Variants in KHNYN observed in about 807,000 individuals in gnomAD.
KHNYN encodes protein KHNYN.
In KHNYN, 42 loss-of-function variants were observed where a neutral mutation model predicts 62.7. That is an observed-to-expected ratio of 0.67 (90% CI 0.52 to 0.87). KHNYN has a LOEUF of 0.87. Among genes scored for constraint, KHNYN ranks in the 40% least tolerant of loss-of-function variants. The pLI is 0.00. For missense variants in KHNYN, 829 were observed against 874.1 expected (o/e 0.95, Z 0.65); for synonymous variants, 347 against 345.6 (o/e 1.00, Z -0.04).
chr14:24,429,535 G>T, upstream of KHNYN: 3 of 448,290 alleles, frequency 6.7e-6, no homozygotes, highest in Admixed American at 8.2e-5. Context: ...CTTCTTCGTG[G>T]CATCTTTCCG....
At chr14:24,430,520 G>A in intron 1 of KHNYN, 194 bp from the exon 2 acceptor site, 1 of 1,391,328 alleles carries the variant, frequency 7.2e-7, no homozygotes, top group Non-Finnish European at 9.3e-7. Flanking sequence ...CTTGTTTACC[G>A]GGACTTCCTC....
chr14:24,436,890 C>T, intron 7 of KHNYN, 146 bp from the exon 8 acceptor site: 1 of 1,040,802 alleles, frequency 9.6e-7, no homozygotes, highest in Non-Finnish European at 1.4e-6. Context: ...TGGGTTGATA[C>T]TGCCACTCAG....
Position 24,440,607 on chromosome 14 carries a change from A to G in KHNYN, c.*3322A>G, listed in dbSNP as rs1332722115. 7.1e-7 allele frequency: 1 copy of G among 1,410,302 alleles called. No homozygotes were observed. Among genetic ancestry groups the G allele is most frequent in the Admixed American group, 2.1e-5 (1 of 48,196 alleles). The allele number at this position is 1,410,302 out of a possible 1,614,324, so 87.4% of individuals were successfully genotyped here. A position where few individuals can be genotyped will look rare whatever the true frequency, so the allele number is the denominator to read the frequency against. On this transcript the variant is annotated 3_prime_UTR_variant, in exon 8 of 8. Coordinates refer to ENST00000553935, the MANE Select transcript of KHNYN (RefSeq NM_015299.3). The stretch of plus-strand genomic sequence containing the variant: ...CTCCCCATGCTGACTTGGCTCTGTA[A>G]CAGAAGTGAGCAGTATGGCTGTCTT...
intron 2 of KHNYN, 81 bp from the exon 3 acceptor site, chr14:24,431,382 C>A: frequency 8.8e-7 from 1 of 1,142,260 alleles, no homozygotes; most frequent in Non-Finnish European, 1.2e-6. Flanking sequence ...CATCCTGGAG[C>A]TCAGGAGCGA....
chr14:24,432,875 T>C lies in KHNYN; in HGVS notation c.1480+23T>C, dbSNP rs774021849. 52 of 1,614,086 alleles carry C rather than the reference T, an allele frequency of 3.2e-5. No homozygotes were observed. The highest frequency in any genetic ancestry group is 4.4e-5 in the Non-Finnish European group (52 of 1,180,028). On this transcript the variant is annotated intron_variant, in intron 4 of 7. Coordinates refer to ENST00000553935, the MANE Select transcript of KHNYN (RefSeq NM_015299.3). The surrounding 1 kb of genome is among the most constrained non-coding windows in gnomAD (Gnocchi z 5.6). ...GAGGTGAGTTGGGCCTGGTCTTCAG[T>C]GTCCCAGGATAGGCTCTGTTTCCAC...
Position 24,432,941 on chromosome 14 carries a change from C to A in KHNYN, c.1486C>A (p.His496Asn). 1 of 1,614,172 alleles carries A rather than the reference C, an allele frequency of 6.2e-7. No individual in the cohort carries two copies. Among genetic ancestry groups the A allele is most frequent in the Non-Finnish European group, 8.5e-7 (1 of 1,180,030 alleles). Reference protein sequence around the residue: ...FSKDAKVRESHFLQKLYSLSL... With the variant: ...FSKDAKVRESNFLQKLYSLSL... The stretch of plus-strand genomic sequence containing the variant: ...ATTATGTTCTTTTTCAATAGAGAGT[C>A]ACTTCCTGCAAAAGCTGTATTCCCT... The change falls in exon 5 of 8, where the codon CAC (histidine) becomes AAC (asparagine). Residue 496 changes from histidine to asparagine, a missense_variant. Transcript: ENST00000553935. The surrounding 1 kb of genome is among the most constrained non-coding windows in gnomAD (Gnocchi z 5.6).
At chr14:24,427,783 G>A, upstream of KHNYN, 1 of 1,613,606 alleles carries the variant, frequency 6.2e-7, no homozygotes, top group African/African-American at 1.3e-5. The surrounding 1 kb of genome is among the most constrained non-coding windows in gnomAD (Gnocchi z 4.4). Flanking sequence ...TGAAAGACTT[G>A]GGTCCTCAGA....
intron 5 of KHNYN, among the ~76,000 whole-genome samples, chr14:24,433,574 C>A (rs980470664): frequency 2.0e-5 from 3 of 152,218 alleles, no homozygotes; most frequent in Non-Finnish European, 2.9e-5. Context: ...GACTGTGGAA[C>A]TTTTCTTAGT....
Position 24,440,261 on chromosome 14 carries a change from G to A in KHNYN, c.*2976G>A. ...AGGGATGAAGGCTCGGCGGCCCAGGGCAGCACCCAAGGTCTGGGCAAACTC... is the reference window on the plus strand; with the variant it reads ...AGGGATGAAGGCTCGGCGGCCCAGGACAGCACCCAAGGTCTGGGCAAACTC... On this transcript the variant is annotated 3_prime_UTR_variant, in exon 8 of 8. Transcript: ENST00000553935. 6.2e-7 allele frequency: 1 copy of A among 1,613,986 alleles called. No individual in the cohort carries two copies.
rs1025998130 is a variant in KHNYN at position 24,431,926 on chromosome 14, A to G, written c.665A>G (p.Gln222Arg). 5 of 1,613,812 alleles carry G rather than the reference A, an allele frequency of 3.1e-6. No individual in the cohort carries two copies. Among genetic ancestry groups the G allele is most frequent in the Non-Finnish European group, 4.2e-6 (5 of 1,179,910 alleles). ...RSSALLGAQC[Q>R]GVRAPPSDGR... Reference sequence around the variant, plus strand: ...TCAGCCTTGCTGGGTGCTCAGTGCCAAGGAGTGAGAGCTCCCCCTAGTGAC... The same window carrying G: ...TCAGCCTTGCTGGGTGCTCAGTGCCGAGGAGTGAGAGCTCCCCCTAGTGAC... Residue 222 changes from glutamine (Q) to arginine (R), a missense_variant, in exon 3 of 8, where the codon CAA (glutamine) becomes CGA (arginine). Around this residue, in one of 2 missense-constraint regions of KHNYN, gnomAD observed 559 missense variants for 527.0 expected, o/e 1.06. Coordinates refer to ENST00000553935, the MANE Select transcript of KHNYN (RefSeq NM_015299.3).
rs758606114 is a variant in KHNYN at position 24,440,134 on chromosome 14, G to A, written c.*2849G>A. On this transcript the variant is annotated 3_prime_UTR_variant, in exon 8 of 8. Coordinates refer to ENST00000553935, the MANE Select transcript of KHNYN (RefSeq NM_015299.3). ...CCCCTAGCTCTGGGAAGGAATACTG[G>A]TAGCCAGTGGCCAGTGTTCGCTGTG... is the stretch of plus-strand genomic sequence containing the variant. 3.1e-6 allele frequency: 5 copies of A among 1,613,058 alleles called. No homozygotes were observed. Among genetic ancestry groups the A allele is most frequent in the Non-Finnish European group, 4.2e-6 (5 of 1,179,340 alleles).
At chr14:24,425,211 A>G (rs1008065926), upstream of KHNYN, among the ~76,000 whole-genome samples, 1 of 152,148 alleles carries the variant, frequency 6.6e-6, no homozygotes, top group Non-Finnish European at 1.5e-5. Context: ...AAAAAACAAC[A>G]ATAAAAAACA....
At chr14:24,428,432 G>A, upstream of KHNYN, 1 of 1,612,702 alleles carries the variant, frequency 6.2e-7, no homozygotes, top group Non-Finnish European at 8.5e-7. Context: ...CTGCTGAGTG[G>A]GGCTCAGGAA....
Position 24,440,520 on chromosome 14 carries a change from G to C in KHNYN, c.*3235G>C. On this transcript the variant is annotated 3_prime_UTR_variant, in exon 8 of 8. Transcript: ENST00000553935. ...AGAGCAGGAAAGAGGGAAGGTACAGGGGTCCTCTCAGCCTTGAAGGAGCCC... is the reference window on the plus strand; with the variant it reads ...AGAGCAGGAAAGAGGGAAGGTACAGCGGTCCTCTCAGCCTTGAAGGAGCCC... The C allele has an allele frequency of 6.3e-7, 1 of 1,581,522 alleles. No individual in the cohort carries two copies. The highest frequency in any genetic ancestry group is 2.3e-5 in the East Asian group (1 of 42,878).
In KHNYN at chr14:24,432,154, A is replaced by T. The variant is rs1363057261; in HGVS notation, c.893A>T (p.Glu298Val). 1.3e-6 allele frequency: 2 copies of T among 1,558,216 alleles called. No homozygotes were observed. Among genetic ancestry groups the T allele is most frequent in the East Asian group, 4.5e-5 (2 of 44,380 alleles). The change falls in exon 3 of 8, where the codon GAG becomes GTG. Residue 298 changes from glutamate to valine, a missense_variant. Around this residue, in one of 2 missense-constraint regions of KHNYN, gnomAD observed 559 missense variants for 527.0 expected, o/e 1.06. Coordinates refer to ENST00000553935, the MANE Select transcript of KHNYN (RefSeq NM_015299.3). The surrounding 1 kb of genome is among the most constrained non-coding windows in gnomAD (Gnocchi z 5.6). Reference sequence around the variant, plus strand: ...CAGTCAGTGGGTGGAGGGGCAAGGGAGTCAGCACCCCTGAAAGGGAAGGCC... The same window carrying T: ...CAGTCAGTGGGTGGAGGGGCAAGGGTGTCAGCACCCCTGAAAGGGAAGGCC... Reference protein sequence around the residue: ...RPQSVGGGARESAPLKGKALG... With the variant: ...RPQSVGGGARVSAPLKGKALG...
At position 24,441,466 on chromosome 14, in the gene KHNYN, T is replaced by C. The variant is rs2139415522; in HGVS notation, c.*4181T>C. On this transcript the variant is annotated 3_prime_UTR_variant, in exon 8 of 8. Transcript: ENST00000553935. ...GGGATAGGTGGACTTTTCCCTGGCA[T>C]TGAGTGATGCCACTCCCCACTGTTT... is the stretch of plus-strand genomic sequence containing the variant. The C allele has an allele frequency of 1.9e-6, 1 of 535,840 alleles. No homozygotes were observed. The highest frequency in any genetic ancestry group is 4.8e-4 in the Middle Eastern group (1 of 2,064). The allele number at this position is 535,840 out of a possible 1,614,324, so 33.2% of individuals were successfully genotyped here.
chr14:24,440,540 G>A lies in KHNYN; in HGVS notation c.*3255G>A. The A allele has an allele frequency of 1.3e-6, 2 of 1,552,916 alleles. No homozygotes were observed. Among genetic ancestry groups the A allele is most frequent in the Non-Finnish European group, 8.7e-7 (1 of 1,145,090 alleles). Reference sequence around the variant, plus strand: ...TACAGGGGTCCTCTCAGCCTTGAAGGAGCCCACTGCTCCTCCTGGTTTCTG... The same window carrying A: ...TACAGGGGTCCTCTCAGCCTTGAAGAAGCCCACTGCTCCTCCTGGTTTCTG... On this transcript the variant is annotated 3_prime_UTR_variant, in exon 8 of 8. Transcript: ENST00000553935.
upstream of KHNYN, chr14:24,428,760 C>A: frequency 6.3e-7 from 1 of 1,585,116 alleles, no homozygotes; most frequent in South Asian, 1.2e-5. Flanking sequence ...ATTACCTGGT[C>A]GAAGTAGATG....
chr14:24,436,705 T>G (rs2043210232), intron 7 of KHNYN, among the ~76,000 whole-genome samples: 1 of 152,206 alleles, frequency 6.6e-6, no homozygotes, highest in African/African-American at 2.4e-5. Flanking sequence ...TTTCTCTTAA[T>G]CAGCATGTTT....
Sources: allele counts gnomAD v4.1 joint callset (sites outside exome capture counted in the v4.1 genomes callset), GRCh38; gene constraint gnomAD v4.1.1; regional missense constraint gnomAD v4.1.1; non-coding constraint Gnocchi (gnomAD v3.1); transcripts MANE v1.5; gene names NCBI Gene and HGNC (gene_info 2026-07-23, HGNC 2026-07-21).